Variants in CSMD1 observed in about 807,000 individuals in gnomAD.
CSMD1 encodes CUB and sushi domain-containing protein 1.
Under a neutral mutation model 417.5 loss-of-function variants are expected in CSMD1, and 213 were observed. That is an observed-to-expected ratio of 0.51 (90% confidence interval 0.46 to 0.57). The LOEUF (loss-of-function observed/expected upper bound fraction) is 0.57. Ranked by LOEUF, CSMD1 falls within the 20% of genes least tolerant of loss-of-function variation. The probability of loss-of-function intolerance (pLI) is 0.00; values close to 1 mark genes in which losing one functional copy is unlikely to be tolerated. For missense variants in CSMD1, 6,923 were observed against 4,529.7 expected (o/e 1.53, Z -15.17); for synonymous variants, 2,862 against 1,736.8 (o/e 1.65, Z -16.11).
At chr8:3,875,392 A>G (rs7017707) in intron 5 of CSMD1, among the ~76,000 whole-genome samples, 50,413 of 152,050 alleles carry the variant, frequency 0.33, 10,706 homozygotes, top group African/African-American at 0.61. Flanking sequence ...CTGCGTAGAC[A>G]TGGTCTATGA....
chr8:4,534,798 C>G (rs941376607), intron 2 of CSMD1, among the ~76,000 whole-genome samples: 1 of 152,026 alleles, frequency 6.6e-6, no homozygotes, highest in Admixed American at 6.6e-5. Flanking sequence ...AGTCTTGCTC[C>G]GTTGCCCAGG....
In CSMD1 at chr8:3,032,713, G is replaced by C. The variant is rs1052230587; in HGVS notation, c.7661-3200C>G. ...CCCTGTCACATACACTCTCACAAAGGTGTCTACACTCAACCCCCCCAACTC... is the reference window on the plus strand; with the variant it reads ...CCCTGTCACATACACTCTCACAAAGCTGTCTACACTCAACCCCCCCAACTC... On this transcript the variant is annotated intron_variant, in intron 50 of 69. Coordinates refer to ENST00000635120, the MANE Select transcript of CSMD1 (RefSeq NM_033225.6). Among the ~76,000 whole-genome samples, 3 of 151,942 alleles carry C rather than the reference G, an allele frequency of 2.0e-5. No individual in the cohort carries two copies. The East Asian group carries it at 5.8e-4, about 29-fold the overall frequency.
intron 5 of CSMD1, among the ~76,000 whole-genome samples, chr8:3,854,342 G>A (rs1460072077): frequency 2.0e-5 from 3 of 151,502 alleles, no homozygotes; most frequent in Non-Finnish European, 2.9e-5. Flanking sequence ...TCTTTTTTCA[G>A]ATAAATTCTT....
chr8:3,134,398 T>A (rs1310495113), intron 41 of CSMD1, among the ~76,000 whole-genome samples: 1 of 152,108 alleles, frequency 6.6e-6, no homozygotes, highest in Non-Finnish European at 1.5e-5. Flanking sequence ...CACGAAGGCA[T>A]GCGCTGCAAG....
intron 3 of CSMD1, among the ~76,000 whole-genome samples, chr8:4,158,219 AT>A (rs1458486393): frequency 1.3e-5 from 2 of 151,692 alleles, no homozygotes. Flanking sequence ...TTTTGGCACC[AT>A]TGATGCTAGG....
intron 21 of CSMD1, among the ~76,000 whole-genome samples, chr8:3,353,996 G>C (rs1459831376): frequency 1.3e-5 from 2 of 152,218 alleles, no homozygotes; most frequent in Non-Finnish European, 2.9e-5. Flanking sequence ...ACCACAGACA[G>C]AGTGGCCTCA....
chr8:4,051,437 G>T (rs1429026405), intron 3 of CSMD1, among the ~76,000 whole-genome samples: 3 of 151,892 alleles, frequency 2.0e-5, no homozygotes, highest in Non-Finnish European at 2.9e-5. Flanking sequence ...GGTTGAAAAC[G>T]CTTTGGCAGA....
At chr8:4,812,880 C>A (rs1226671728) in intron 1 of CSMD1, among the ~76,000 whole-genome samples, 3 of 151,996 alleles carry the variant, frequency 2.0e-5, no homozygotes, top group African/African-American at 7.2e-5. Flanking sequence ...TTTATTACAC[C>A]CTTGAGAAAC....
At chr8:3,393,838 G>T (rs1811498939) in intron 17 of CSMD1, among the ~76,000 whole-genome samples, 1 of 151,220 alleles carries the variant, frequency 6.6e-6, no homozygotes, top group Non-Finnish European at 1.5e-5. Flanking sequence ...GGGGCCTGTT[G>T]TGGGGTGTGG....
At chr8:3,190,162 G>A (rs1314149353) in intron 33 of CSMD1, 47 bp from the exon 34 acceptor site, 3 of 1,488,368 alleles carry the variant, frequency 2.0e-6, no homozygotes, top group African/African-American at 1.4e-5. Context: ...CCATCAGCAA[G>A]CCAGGACGTT....
chr8:4,425,828 C>G (rs918132016), intron 2 of CSMD1, among the ~76,000 whole-genome samples: 1 of 151,936 alleles, frequency 6.6e-6, no homozygotes, highest in Non-Finnish European at 1.5e-5. Context: ...CAGGGTAGTA[C>G]GGGAATATTT....
At chr8:3,297,986 A>G (rs758245882) in intron 25 of CSMD1, among the ~76,000 whole-genome samples, 15 of 152,226 alleles carry the variant, frequency 9.9e-5, no homozygotes, top group African/African-American at 2.4e-4. Context: ...GCCAATAAAC[A>G]TATAAAAAAG....
chr8:4,191,077 G>A (rs1276768400), intron 3 of CSMD1, among the ~76,000 whole-genome samples: 2 of 147,834 alleles, frequency 1.4e-5, no homozygotes, highest in Non-Finnish European at 2.9e-5. Flanking sequence ...AGATACACAT[G>A]GATTAAAATA....
chr8:4,552,517 G>C (rs1411537609), intron 2 of CSMD1, among the ~76,000 whole-genome samples: 1 of 152,082 alleles, frequency 6.6e-6, no homozygotes. Context: ...CAGAACTCTG[G>C]AGAAGATTAA....
intron 26 of CSMD1, among the ~76,000 whole-genome samples, chr8:3,252,776 C>G (rs1322413040): frequency 6.6e-6 from 1 of 152,122 alleles, no homozygotes; most frequent in Non-Finnish European, 1.5e-5. Context: ...CAACTTCTTC[C>G]TCGTTTAGTC....
chr8:4,157,606 A>T (rs1212044132), intron 3 of CSMD1, among the ~76,000 whole-genome samples: 1 of 152,128 alleles, frequency 6.6e-6, no homozygotes, highest in African/African-American at 2.4e-5. Context: ...AACAAATGCA[A>T]ATCTTTCACG....
At chr8:3,711,861 G>A (rs550902158) in intron 6 of CSMD1, among the ~76,000 whole-genome samples, 1 of 152,132 alleles carries the variant, frequency 6.6e-6, no homozygotes, top group African/African-American at 2.4e-5. Flanking sequence ...AAAGAGCATA[G>A]AACTCAACGC....
chr8:2,964,787 G>T (rs1044302721), intron 59 of CSMD1, among the ~76,000 whole-genome samples: 6 of 152,150 alleles, frequency 3.9e-5, no homozygotes, highest in Non-Finnish European at 5.9e-5. Context: ...ACGAAAGCAG[G>T]ATGGTCCAAG....
intron 8 of CSMD1, among the ~76,000 whole-genome samples, chr8:3,590,112 T>G (rs548351886): frequency 2.0e-5 from 3 of 152,054 alleles, no homozygotes; most frequent in East Asian, 3.9e-4. Context: ...AAAAATGACA[T>G]GTAGTAATAT....
Sources: gnomAD v4.1 joint callset for allele counts (sites outside exome capture counted in the v4.1 genomes callset) on GRCh38, gnomAD v4.1.1 for gene constraint, MANE v1.5 for transcripts, NCBI Gene and HGNC (gene_info 2026-07-23, HGNC 2026-07-21) for gene names.